Variants in CENPP observed in about 807,000 individuals in gnomAD.
CENPP encodes centromere protein P.
CENPP carries 24 observed loss-of-function variants against 35.6 expected under a neutral mutation model. That is an observed-to-expected ratio of 0.67 (90% CI 0.49 to 0.95). CENPP has a LOEUF of 0.95. Among genes scored for constraint, CENPP ranks in the 40% least tolerant of loss-of-function variants. The probability of loss-of-function intolerance (pLI) is 0.00; values close to 1 mark genes in which losing one functional copy is unlikely to be tolerated. For synonymous variants in CENPP, 120 were observed against 125.5 expected (o/e 0.96, Z 0.29); for missense variants, 332 against 345.3 (o/e 0.96, Z 0.31).
intron 5 of CENPP, among the ~76,000 whole-genome samples, chr9:92,587,824 C>T (rs902897273): frequency 2.6e-5 from 4 of 151,994 alleles, no homozygotes; most frequent in Non-Finnish European, 5.9e-5. Flanking sequence ...TAACTGATCA[C>T]TTTAAAATGG....
intron 5 of CENPP, among the ~76,000 whole-genome samples, chr9:92,426,355 C>G (rs1053634526): frequency 1.3e-5 from 2 of 152,086 alleles, no homozygotes; most frequent in African/African-American, 4.8e-5. Flanking sequence ...CTAGGAAAGG[C>G]CCTCCTGAGA....
chr9:92,523,727 G>A (rs1164790196), intron 5 of CENPP, among the ~76,000 whole-genome samples: 1 of 152,166 alleles, frequency 6.6e-6, no homozygotes, highest in African/African-American at 2.4e-5. Flanking sequence ...TAGTAGGAGC[G>A]GGCTTAACTA....
chr9:92,409,986 G>A (rs1312989351), intron 5 of CENPP, among the ~76,000 whole-genome samples: 1 of 152,100 alleles, frequency 6.6e-6, no homozygotes, highest in Non-Finnish European at 1.5e-5. Context: ...ACCCAGGCTG[G>A]AGCTCAGTGG....
intron 5 of CENPP, among the ~76,000 whole-genome samples, chr9:92,408,027 G>T (rs1188406282): frequency 6.6e-6 from 1 of 152,184 alleles, no homozygotes; most frequent in Non-Finnish European, 1.5e-5. Context: ...TATTTTTGGG[G>T]AGTGGCTTAA....
At chr9:92,584,417 C>T (rs1028227669) in intron 5 of CENPP, among the ~76,000 whole-genome samples, 12 of 152,174 alleles carry the variant, frequency 7.9e-5, no homozygotes, top group African/African-American at 2.9e-4. Flanking sequence ...GGCACCATCA[C>T]GGCTCACTGC....
At chr9:92,576,226 A>G (rs1453875247) in intron 5 of CENPP, among the ~76,000 whole-genome samples, 4 of 152,234 alleles carry the variant, frequency 2.6e-5, no homozygotes, top group Admixed American at 6.5e-5. Flanking sequence ...TGTGGACATT[A>G]TGCTAAGTGA....
intron 5 of CENPP, among the ~76,000 whole-genome samples, chr9:92,572,413 G>A (rs1184216413): frequency 6.6e-6 from 1 of 152,048 alleles, no homozygotes; most frequent in Non-Finnish European, 1.5e-5. Context: ...GTTGAATATC[G>A]GCCCCCACTC....
At chr9:92,514,509 A>G (rs1422086507) in intron 5 of CENPP, 3 of 1,316,104 alleles carry the variant, frequency 2.3e-6, no homozygotes, top group Non-Finnish European at 3.0e-6. Flanking sequence ...CCCTGACCTC[A>G]GGTGATCTGG....
At chr9:92,609,261 A>AG (rs1214893873) in intron 5 of CENPP, among the ~76,000 whole-genome samples, 4 of 152,222 alleles carry the variant, frequency 2.6e-5, no homozygotes, top group Non-Finnish European at 5.9e-5. Flanking sequence ...GCACAGGGTG[A>AG]GGGCCTCCCA....
intron 5 of CENPP, among the ~76,000 whole-genome samples, chr9:92,447,471 G>C (rs1310168037): frequency 6.6e-6 from 1 of 152,164 alleles, no homozygotes; most frequent in Non-Finnish European, 1.5e-5. Flanking sequence ...TTTGACAGGA[G>C]ATGGAGCTCA....
rs138393379 is a variant in CENPP at position 92,619,619 on chromosome 9, C to T, written c.*6470C>T. ...GTCACACAGGAAGCCTCTGCCCCCCCACACAACCTTCCTTCCCAGTAGCCA... is the reference window on the plus strand; with the variant it reads ...GTCACACAGGAAGCCTCTGCCCCCCTACACAACCTTCCTTCCCAGTAGCCA... On this transcript the variant is annotated 3_prime_UTR_variant, in exon 8 of 8. Transcript: ENST00000375587. 19 of 1,453,640 alleles carry T rather than the reference C, an allele frequency of 1.3e-5. No individual in the cohort carries two copies. The Admixed American group carries it at 1.8e-4, about 14-fold the overall frequency. The allele number at this position is 1,453,640 out of a possible 1,614,324, so 90.0% of individuals were successfully genotyped here.
At chr9:92,401,609 G>T (rs1843113821) in intron 5 of CENPP, among the ~76,000 whole-genome samples, 1 of 152,132 alleles carries the variant, frequency 6.6e-6, no homozygotes, top group Admixed American at 6.6e-5. Context: ...TAGAGCTCCA[G>T]CCATGTCACA....
intron 5 of CENPP, chr9:92,505,552 C>T: frequency 6.2e-7 from 1 of 1,601,252 alleles, no homozygotes; most frequent in Non-Finnish European, 8.5e-7. Context: ...ACCAGGAAGA[C>T]CCTGCGGTAT....
intron 1 of CENPP, among the ~76,000 whole-genome samples, chr9:92,330,653 T>A (rs375900583): frequency 6.6e-6 from 1 of 151,472 alleles, no homozygotes; most frequent in East Asian, 1.9e-4. Context: ...AATTTCTTTT[T>A]TTAAAAAAGT....
At chr9:92,454,464 T>G (rs1844813842) in intron 5 of CENPP, among the ~76,000 whole-genome samples, 1 of 152,222 alleles carries the variant, frequency 6.6e-6, no homozygotes, top group African/African-American at 2.4e-5. Context: ...TCAATGTCAG[T>G]AAACATTTTT....
chr9:92,445,291 G>A (rs1021203146), intron 5 of CENPP, among the ~76,000 whole-genome samples: 8 of 152,172 alleles, frequency 5.3e-5, no homozygotes, highest in East Asian at 3.9e-4. Context: ...GTCCCGGTGC[G>A]TGGTAGCCCC....
chr9:92,470,688 T>G, intron 5 of CENPP: 1 of 1,547,342 alleles, frequency 6.5e-7, no homozygotes. Flanking sequence ...AGTGAGTCCT[T>G]TAAAATCATT....
chr9:92,432,945 T>C (rs1477560932), intron 5 of CENPP, among the ~76,000 whole-genome samples: 1 of 152,114 alleles, frequency 6.6e-6, no homozygotes, highest in Non-Finnish European at 1.5e-5. Context: ...AGGAAAAAGA[T>C]ACAAAAAAAA....
chr9:92,550,814 C>T (rs950489941), intron 5 of CENPP, among the ~76,000 whole-genome samples: 1 of 152,100 alleles, frequency 6.6e-6, no homozygotes, highest in African/African-American at 2.4e-5. Flanking sequence ...ATTTAGAATC[C>T]TGAACTCCTC....
Sources: allele counts gnomAD v4.1 joint callset (sites outside exome capture counted in the v4.1 genomes callset), GRCh38; gene constraint gnomAD v4.1.1; transcripts MANE v1.5; gene names NCBI Gene and HGNC (gene_info 2026-07-23, HGNC 2026-07-21).